The following NSF variants were observed in gnomAD, a reference collection of about 807,000 sequenced individuals.
NSF encodes the protein vesicle-fusing ATPase.
A neutral mutation model predicts 50.3 loss-of-function variants in NSF; 14 were observed. That is an observed-to-expected ratio of 0.28 (90% CI 0.18 to 0.44). The LOEUF (loss-of-function observed/expected upper bound fraction) is 0.44. Ranked by LOEUF, NSF falls within the 20% of genes least tolerant of loss-of-function variation. The pLI is 1.00. For missense variants in NSF, 218 were observed against 504.3 expected, an observed-to-expected ratio of 0.43 and a Z score of 5.44; for synonymous variants, 109 against 175.7, an observed-to-expected ratio of 0.62 and a Z score of 3.00.
intron 20 of NSF, 134 bp downstream of exon 20, chr17:46,755,503 G>A (rs527369649): frequency 2.6e-4 from 212 of 812,244 alleles, no homozygotes; most frequent in East Asian, 8.0e-5. Flanking sequence ...TTGTAGGTCC[G>A]AGAGACCAAG....
intron 15 of NSF, among the ~76,000 whole-genome samples, chr17:46,723,753 G>A (rs974857887): frequency 6.6e-6 from 1 of 152,074 alleles, no homozygotes; most frequent in Non-Finnish European, 1.5e-5. Flanking sequence ...TCTAGATTCT[G>A]TCCACTTACC....
chr17:46,676,389 C>T lies in NSF; in HGVS notation c.945+1776C>T, dbSNP rs1221709882. Among the ~76,000 whole-genome samples, 4 of 135,946 alleles carry T rather than the reference C, an allele frequency of 2.9e-5. 2 individuals carry two copies. The highest frequency in any genetic ancestry group is 1.2e-4 in the African/African-American group (4 of 33,354). 89.2% of individuals were successfully genotyped at this position (135,946 alleles called of 152,430 possible). A position where few individuals can be genotyped will look rare whatever the true frequency, so the allele number is the denominator to read the frequency against. On this transcript the variant is annotated intron_variant, in intron 9 of 20. Transcript: ENST00000398238. ...CTGGGATTACAGGCATGCACCACCA[C>T]GCCCAGCTAATTTTGTATTTTTACT...
Position 46,621,350 on chromosome 17 carries a change from G to A in NSF, c.13-2894G>A, listed in dbSNP as rs1208643941. On this transcript the variant is annotated intron_variant, in intron 1 of 20. Transcript: ENST00000398238. ...TGCCCAGACTGGAGTACAGTGACAC[G>A]ATCTCAGCTCACTGCAAGCTCCGCC... is the stretch of plus-strand genomic sequence containing the variant. Among the ~76,000 whole-genome samples, 192 of 136,778 alleles carry A rather than the reference G, an allele frequency of 1.4e-3. 3 individuals carry two copies. The highest frequency in any genetic ancestry group is 4.9e-3 in the African/African-American group (175 of 35,858). The allele number at this position is 136,778 out of a possible 152,430, so 89.7% of individuals were successfully genotyped here. A position where few individuals can be genotyped will look rare whatever the true frequency, so the allele number is the denominator to read the frequency against.
chr17:46,666,025 A>G (rs2058332755), intron 8 of NSF, among the ~76,000 whole-genome samples: 1 of 146,176 alleles, frequency 6.8e-6, no homozygotes, highest in Admixed American at 7.0e-5. Context: ...AGCTCGTCCC[A>G]GGTGAATGCC....
intron 15 of NSF, among the ~76,000 whole-genome samples, chr17:46,715,788 A>G (rs1321601604): frequency 6.6e-6 from 1 of 152,242 alleles, no homozygotes; most frequent in African/African-American, 2.4e-5. Flanking sequence ...CTTATTATTT[A>G]ATCTTCAAAT....
At chr17:46,691,725 G>A (rs2058548199) in intron 9 of NSF, among the ~76,000 whole-genome samples, 1 of 151,582 alleles carries the variant, frequency 6.6e-6, no homozygotes, top group Admixed American at 6.6e-5. Flanking sequence ...TTTAGGTTAT[G>A]TTCATTTTTT....
At chr17:46,722,291 C>T in intron 15 of NSF, 1 of 790,160 alleles carries the variant, frequency 1.3e-6, no homozygotes, top group Non-Finnish European at 2.2e-6. Context: ...ACGGTTCTTA[C>T]CTTCTTACCT....
chr17:46,685,792 TG>T (rs1184133228), intron 9 of NSF, among the ~76,000 whole-genome samples: 3 of 149,404 alleles, frequency 2.0e-5, no homozygotes, highest in Non-Finnish European at 4.5e-5. Flanking sequence ...GTTATTGTAC[TG>T]ACTAGGTGGG....
chr17:46,737,201 AC>A (rs1454982342), intron 17 of NSF, among the ~76,000 whole-genome samples: 1 of 152,234 alleles, frequency 6.6e-6, no homozygotes, highest in Non-Finnish European at 1.5e-5. Flanking sequence ...AAGTTTGTGC[AC>A]AAGGTGGGCA....
chr17:46,691,306 A>C (rs886485853), intron 9 of NSF, among the ~76,000 whole-genome samples: 5 of 76,756 alleles, frequency 6.5e-5, no homozygotes, highest in African/African-American at 2.7e-4. Flanking sequence ...TATTAAAACA[A>C]AGATTAGGCT....
At chr17:46,727,095 C>G (rs2058896518) in intron 16 of NSF, among the ~76,000 whole-genome samples, 1 of 152,204 alleles carries the variant, frequency 6.6e-6, no homozygotes, top group Non-Finnish European at 1.5e-5. Context: ...TATAATCCCT[C>G]TCTTGCTTAT....
intron 12 of NSF, among the ~76,000 whole-genome samples, chr17:46,697,067 A>G (rs2058602083): frequency 7.3e-6 from 1 of 137,058 alleles, no homozygotes; most frequent in Admixed American, 7.5e-5. Context: ...TAGTGCTTTT[A>G]TTTTAGGTAC....
At chr17:46,595,569 G>C (rs899316714) in intron 1 of NSF, among the ~76,000 whole-genome samples, 1 of 130,432 alleles carries the variant, frequency 7.7e-6, no homozygotes, top group African/African-American at 3.7e-5. Context: ...TGGCCTCACT[G>C]CAACCTCTGC....
intron 17 of NSF, among the ~76,000 whole-genome samples, chr17:46,731,425 T>G (rs557923103): frequency 5.3e-5 from 8 of 152,266 alleles, no homozygotes; most frequent in South Asian, 2.1e-4. Flanking sequence ...TTTGGTGGTG[T>G]TGTGTATATC....
At chr17:46,679,715 T>C (rs1335065423) in intron 9 of NSF, among the ~76,000 whole-genome samples, 2 of 150,886 alleles carry the variant, frequency 1.3e-5, no homozygotes, top group African/African-American at 4.9e-5. Flanking sequence ...AAGAAGCTAA[T>C]AATGTTAGTT....
At chr17:46,625,850 C>G (rs2058093148) in intron 2 of NSF, among the ~76,000 whole-genome samples, 1 of 103,632 alleles carries the variant, frequency 9.6e-6, no homozygotes, top group South Asian at 3.2e-4. Context: ...TTGAGGCCAG[C>G]CTGGTCAACA....
intron 15 of NSF, among the ~76,000 whole-genome samples, chr17:46,718,626 A>G (rs2058797922): frequency 6.6e-6 from 1 of 152,240 alleles, no homozygotes; most frequent in Non-Finnish European, 1.5e-5. Context: ...CTAGAGTAGT[A>G]TAACATGACC....
At chr17:46,718,270 C>T (rs972534948) in intron 15 of NSF, among the ~76,000 whole-genome samples, 4 of 152,176 alleles carry the variant, frequency 2.6e-5, no homozygotes, top group African/African-American at 9.7e-5. Flanking sequence ...CAGACTGGCC[C>T]TCGAGGGCAC....
At chr17:46,755,096 C>T (rs977682842) in intron 19 of NSF, among the ~76,000 whole-genome samples, 2 of 152,232 alleles carry the variant, frequency 1.3e-5, no homozygotes, top group African/African-American at 4.8e-5. Flanking sequence ...TCTTTTGGAA[C>T]CCAGTGTACA....
Sources: gnomAD v4.1 joint callset for allele counts (sites outside exome capture counted in the v4.1 genomes callset) on GRCh38, gnomAD v4.1.1 for gene constraint, MANE v1.5 for transcripts, NCBI Gene and HGNC (gene_info 2026-07-23, HGNC 2026-07-21) for gene names.